Variants in MDGA1 observed in about 807,000 individuals in gnomAD.
MDGA1 encodes the protein MAM domain containing glycosylphosphatidylinositol anchor 1.
MDGA1 carries 54 observed loss-of-function variants against 101.5 expected under a neutral mutation model. That is an observed-to-expected ratio of 0.53 (90% confidence interval 0.43 to 0.67). The LOEUF is 0.67. MDGA1 is among the 30% of genes least tolerant of loss of function. MDGA1 has a pLI of 0.00. For missense variants in MDGA1, 1,083 were observed against 1,323.8 expected (o/e 0.82, Z 2.82); for synonymous variants, 533 against 558.3 (o/e 0.95, Z 0.64).
rs867152075 is a variant in MDGA1, at chr6:37,638,882, G to A, written c.2537-215C>T. ...CTTCAGCAGGATTTCATTTCATCAG[G>A]ATGACTTGCAAATTTTCTTTCATTT... On this transcript the variant is annotated intron_variant, in intron 14 of 16. Transcript: ENST00000434837. The surrounding 1 kb of genome is among the most constrained non-coding windows in gnomAD (Gnocchi z 4.8). 1.5e-5 allele frequency: 9 copies of A among 586,944 alleles called. No individual in the cohort carries two copies. The Middle Eastern group carries it at 1.4e-3, about 91-fold the overall frequency. 36.4% of individuals were successfully genotyped at this position (586,944 alleles called of 1,614,324 possible). A position where few individuals can be genotyped will look rare whatever the true frequency, so the allele number is the denominator to read the frequency against.
At chr6:37,648,026 C>T (rs948686656) in intron 9 of MDGA1, 1 of 152,446 alleles carries the variant, frequency 6.6e-6, no homozygotes, top group Non-Finnish European at 1.5e-5. Context: ...AGGCGGCTCT[C>T]CTCACATGGA....
intron 1 of MDGA1, among the ~76,000 whole-genome samples, chr6:37,679,344 G>A (rs1185654508): frequency 1.3e-5 from 2 of 152,152 alleles, no homozygotes; most frequent in East Asian, 1.9e-4. Flanking sequence ...CTGTGGATGC[G>A]GGAGGAGGGA....
intron 1 of MDGA1, among the ~76,000 whole-genome samples, chr6:37,670,818 A>G (rs775335733): frequency 6.6e-6 from 1 of 152,148 alleles, no homozygotes; most frequent in Admixed American, 6.5e-5. Flanking sequence ...ATTTAGCTCC[A>G]TTGGCAGAGA....
Position 37,637,280 on chromosome 6 carries a change from C to G in MDGA1, c.*88G>C. ...GGCGGGCCGGCCCTGCCCCTGGGCA[C>G]CCCAGCTGGCGGGGGTCAGTCTTTG... On this transcript the variant is annotated 3_prime_UTR_variant, in exon 17 of 17. Transcript: ENST00000434837. 1 of 1,125,272 alleles carries G rather than the reference C, an allele frequency of 8.9e-7. No homozygotes were observed. Among genetic ancestry groups the G allele is most frequent in the Non-Finnish European group, 1.3e-6 (1 of 759,078 alleles). The allele number at this position is 1,125,272 out of a possible 1,614,324, so 69.7% of individuals were successfully genotyped here.
chr6:37,653,348 A>C (rs181406291), intron 6 of MDGA1, among the ~76,000 whole-genome samples: 2 of 152,352 alleles, frequency 1.3e-5, no homozygotes, highest in Non-Finnish European at 2.9e-5. Flanking sequence ...CTGATTAAGT[A>C]AAAAGTCACA....
chr6:37,682,528 C>G (rs577647319), intron 1 of MDGA1, among the ~76,000 whole-genome samples: 1 of 152,284 alleles, frequency 6.6e-6, no homozygotes, highest in South Asian at 2.1e-4. Context: ...CAGGTAGAAA[C>G]AGGCAACCTC....
rs1459040533 is a variant in MDGA1, at chr6:37,644,481, C to G, written c.2401+16G>C. On this transcript the variant is annotated intron_variant, in intron 13 of 16. Transcript: ENST00000434837. ...TGAAGCAATCCTCCATTTCTGGCAG[C>G]AGGCCAGGTCCTCACCCTCAGGGGT... The G allele has an allele frequency of 5.9e-6, 9 of 1,527,156 alleles. No individual in the cohort carries two copies. Among genetic ancestry groups the G allele is most frequent in the South Asian group, 5.2e-5 (4 of 77,030 alleles). 94.6% of individuals were successfully genotyped at this position (1,527,156 alleles called of 1,614,324 possible). A position where few individuals can be genotyped will look rare whatever the true frequency, so the allele number is the denominator to read the frequency against.
rs989820476 is a variant in MDGA1, at chr6:37,636,562, G to A, written c.*806C>T. The A allele has an allele frequency of 2.6e-5, 4 of 152,410 alleles. No homozygotes were observed. Among genetic ancestry groups the A allele is most frequent in the East Asian group, 3.8e-4 (2 of 5,196 alleles). 9.4% of individuals were successfully genotyped at this position (152,410 alleles called of 1,614,324 possible). A position where few individuals can be genotyped will look rare whatever the true frequency, so the allele number is the denominator to read the frequency against. Reference sequence around the variant, plus strand: ...GAGACCCAGCTGGGGGCTGAGGCTAGGAGAGAACCGTGTTCTCAGGAGTCC... The same window carrying A: ...GAGACCCAGCTGGGGGCTGAGGCTAAGAGAGAACCGTGTTCTCAGGAGTCC... On this transcript the variant is annotated 3_prime_UTR_variant, in exon 17 of 17. Transcript: ENST00000434837.
At chr6:37,654,573 G>C in intron 5 of MDGA1, 30 bp from the exon 6 acceptor site, 1 of 1,613,884 alleles carries the variant, frequency 6.2e-7, no homozygotes. Context: ...GGTCTTAGGG[G>C]ACTGTGAGGC....
chr6:37,691,666 T>C (rs544724973), intron 1 of MDGA1, among the ~76,000 whole-genome samples: 1 of 152,386 alleles, frequency 6.6e-6, no homozygotes, highest in East Asian at 1.9e-4. Flanking sequence ...GATTTCATTG[T>C]TGAAAAACAA....
At chr6:37,687,642 G>GT (rs542199126) in intron 1 of MDGA1, among the ~76,000 whole-genome samples, 82 of 151,610 alleles carry the variant, frequency 5.4e-4, no homozygotes, top group African/African-American at 1.8e-3. Flanking sequence ...ACTTTCTTTG[G>GT]TTTTTTTGTA....
chr6:37,633,525 G>C lies in MDGA1; in HGVS notation c.*3843C>G, dbSNP rs1763863511. On this transcript the variant is annotated 3_prime_UTR_variant, in exon 17 of 17. Coordinates refer to ENST00000434837, the MANE Select transcript of MDGA1 (RefSeq NM_153487.4). ...CACTCCTAGCCCAAGCTCTTGTGAA[G>C]TCACAGGGGAGAGGAGGGGAAACAG... 1 of 152,362 alleles carries C rather than the reference G, an allele frequency of 6.6e-6. No individual in the cohort carries two copies. The highest frequency in any genetic ancestry group is 6.5e-5 in the Admixed American group (1 of 15,288). The allele number at this position is 152,362 out of a possible 1,614,324, so 9.4% of individuals were successfully genotyped here.
chr6:37,645,708 C>T (rs1761177126), intron 12 of MDGA1, among the ~76,000 whole-genome samples: 3 of 152,274 alleles, frequency 2.0e-5, no homozygotes, highest in African/African-American at 7.2e-5. Context: ...CAGTAAGCCT[C>T]TCCCCACCTA....
At chr6:37,669,757 A>G (rs1436843651) in intron 1 of MDGA1, among the ~76,000 whole-genome samples, 1 of 152,234 alleles carries the variant, frequency 6.6e-6, no homozygotes, top group Non-Finnish European at 1.5e-5. Flanking sequence ...ACACCATGAC[A>G]CGATCCTTTC....
chr6:37,650,506 CCT>C (rs1761337591), intron 7 of MDGA1, 101 bp from the exon 8 acceptor site: 3 of 1,235,978 alleles, frequency 2.4e-6, no homozygotes, highest in South Asian at 1.9e-5. Flanking sequence ...TAGGGGCAAG[CCT>C]CTCTCTCCCA....
chr6:37,670,422 G>C (rs1761843036), intron 1 of MDGA1, among the ~76,000 whole-genome samples: 1 of 152,196 alleles, frequency 6.6e-6, no homozygotes, highest in Non-Finnish European at 1.5e-5. Flanking sequence ...TGGAAAGTGG[G>C]AAGGGCTGGA....
At chr6:37,685,890 C>A (rs1054266878) in intron 1 of MDGA1, among the ~76,000 whole-genome samples, 3 of 151,980 alleles carry the variant, frequency 2.0e-5, no homozygotes, top group Non-Finnish European at 4.4e-5. Flanking sequence ...CAGAGTGGGG[C>A]GAGGTGAGGA....
In MDGA1 at chr6:37,637,448, G is replaced by A; in HGVS notation, c.2788C>T (p.Pro930Ser). 1 of 1,613,054 alleles carries A rather than the reference G, an allele frequency of 6.2e-7. No individual in the cohort carries two copies. Among genetic ancestry groups the A allele is most frequent in the East Asian group, 2.2e-5 (1 of 44,860 alleles). Residue 930 changes from proline to serine, a missense_variant, in exon 17 of 17, where the codon CCG (proline) becomes TCG (serine). Pro to Ser is a moderately conservative substitution (Grantham distance 74, BLOSUM62 -1). This residue lies in a region of MDGA1 where 657 missense variants were observed against 771.4 expected (regional missense o/e 0.85). Transcript: ENST00000434837. The part of the protein sequence containing the change: ...QTDPNKVVVM[P>S]GSGAPCQSSP... ...GACTGGCAGGGGGCTCCACTGCCCG[G>A]CATCACCACCACTGCAACAGGGGAG... is the stretch of plus-strand genomic sequence containing the variant.
intron 1 of MDGA1, among the ~76,000 whole-genome samples, chr6:37,679,422 CAAAACA>C (rs1340295637): frequency 1.2e-4 from 19 of 152,106 alleles, no homozygotes; most frequent in African/African-American, 4.6e-4. Flanking sequence ...AGGGCTTGTG[CAAAACA>C]CCTGTCTCCA....
Sources: gnomAD v4.1 joint callset for allele counts (sites outside exome capture counted in the v4.1 genomes callset) on GRCh38, gnomAD v4.1.1 for gene constraint, gnomAD v4.1.1 regional missense constraint, Gnocchi (gnomAD v3.1) non-coding constraint, MANE v1.5 for transcripts, NCBI Gene and HGNC (gene_info 2026-07-23, HGNC 2026-07-21) for gene names.